FXR1: variants seen among roughly 807,000 people sequenced by gnomAD.
FXR1 encodes RNA-binding protein FXR1.
FXR1 carries 15 observed loss-of-function variants against 84.0 expected under a neutral mutation model. That is an observed-to-expected ratio of 0.18 (90% CI 0.12 to 0.27). The LOEUF (loss-of-function observed/expected upper bound fraction) is 0.27, where lower values mean the gene tolerates loss of function less well. Among genes scored for constraint, FXR1 ranks in the 10% least tolerant of loss-of-function variants. FXR1 has a pLI of 1.00. For missense variants in FXR1, 480 were observed against 774.4 expected (o/e 0.62, Z 4.51); for synonymous variants, 245 against 250.7 (o/e 0.98, Z 0.21).
intron 11 of FXR1, among the ~76,000 whole-genome samples, chr3:180,962,555 T>A (rs1712252781): frequency 6.6e-6 from 1 of 152,206 alleles, no homozygotes; most frequent in Non-Finnish European, 1.5e-5. Context: ...GAGGGCAAAA[T>A]CTGGTAATAT....
chr3:180,980,839 T>C lies in FXR1; in HGVS notation c.*4547T>C, dbSNP rs1384134509. ...GCAGTCCAAAAACTAAAACCAGAGCTTAGGTCATTCAAGTTAACTGGTACT... is the reference window on the plus strand; with the variant it reads ...GCAGTCCAAAAACTAAAACCAGAGCCTAGGTCATTCAAGTTAACTGGTACT... On this transcript the variant is annotated 3_prime_UTR_variant, in exon 17 of 17. Coordinates refer to ENST00000357559, the MANE Select transcript of FXR1 (RefSeq NM_005087.4). 6.6e-6 allele frequency: 1 copy of C among 152,022 alleles called. No individual in the cohort carries two copies. The highest frequency in any genetic ancestry group is 2.4e-5 in the African/African-American group (1 of 41,420). 9.4% of individuals were successfully genotyped at this position (152,022 alleles called of 1,614,324 possible).
In FXR1 at chr3:180,982,453, T is replaced by A. The variant is rs900177130; in HGVS notation, c.*6161T>A. On this transcript the variant is annotated 3_prime_UTR_variant, in exon 17 of 17. Transcript: ENST00000357559. ...TAAGCCTGGAGAAAATAAAACTGAT[T>A]ACTATGCAAGAAAAAAATGTGCTCT... 6.6e-6 allele frequency: 1 copy of A among 152,112 alleles called. No individual in the cohort carries two copies. The highest frequency in any genetic ancestry group is 1.5e-5 in the Non-Finnish European group (1 of 67,992). The allele number at this position is 152,112 out of a possible 1,614,324, so 9.4% of individuals were successfully genotyped here.
chr3:180,975,330 A>G lies in FXR1; in HGVS notation c.1621A>G (p.Ile541Val). The G allele has an allele frequency of 2.0e-6, 3 of 1,487,498 alleles. No individual in the cohort carries two copies. Among genetic ancestry groups the G allele is most frequent in the South Asian group, 2.5e-5 (2 of 80,976 alleles). 92.1% of individuals were successfully genotyped at this position (1,487,498 alleles called of 1,614,324 possible). ...TTTAACAGTCACAGTTGCAGATTAT[A>G]TTTCTAGAGCTGAGTCTCAGAGCAG... is the stretch of plus-strand genomic sequence containing the variant. ...ENGLVTVADY[I>V]SRAESQSRQR... The change falls in exon 16 of 17, where the codon ATT becomes GTT. Residue 541 changes from isoleucine to valine, a missense_variant. Ile to Val is a conservative substitution (Grantham distance 29). Transcript: ENST00000357559.
At chr3:180,933,988 C>A (rs1720241862) in intron 2 of FXR1, among the ~76,000 whole-genome samples, 1 of 152,038 alleles carries the variant, frequency 6.6e-6, no homozygotes, top group African/African-American at 2.4e-5. Context: ...TGGGGGGGCG[C>A]CTGTAATTCC....
At chr3:180,968,421 G>A in intron 14 of FXR1, 167 bp downstream of exon 14, 1 of 582,598 alleles carries the variant, frequency 1.7e-6, no homozygotes, top group Non-Finnish European at 3.1e-6. Context: ...CCCTCGTAGA[G>A]TGTTTCTCAG....
chr3:180,941,898 C>G (rs910897212), intron 3 of FXR1, among the ~76,000 whole-genome samples: 5 of 152,050 alleles, frequency 3.3e-5, no homozygotes, highest in African/African-American at 1.2e-4. Context: ...TACAAAATGG[C>G]AGATACATAA....
At chr3:180,934,732 G>T (rs1158082748) in intron 2 of FXR1, among the ~76,000 whole-genome samples, 3 of 152,160 alleles carry the variant, frequency 2.0e-5, no homozygotes, top group Admixed American at 1.3e-4. Flanking sequence ...GATAGGTCAT[G>T]TAGTTGTGAA....
chr3:180,969,802 A>G (rs957472584), intron 14 of FXR1, among the ~76,000 whole-genome samples: 15 of 152,082 alleles, frequency 9.9e-5, no homozygotes, highest in African/African-American at 3.6e-4. Context: ...GTTTCTTTTC[A>G]TTTTTGTTTT....
chr3:180,919,180 C>G (rs1560157147), intron 1 of FXR1, among the ~76,000 whole-genome samples: 1 of 151,760 alleles, frequency 6.6e-6, no homozygotes, highest in African/African-American at 2.4e-5. Context: ...CTGAAATGTA[C>G]TAGTCTGAAT....
intron 15 of FXR1, among the ~76,000 whole-genome samples, chr3:180,973,429 G>T (rs948910002): frequency 1.3e-5 from 2 of 152,212 alleles, no homozygotes; most frequent in African/African-American, 4.8e-5. Flanking sequence ...TAATTTAGCA[G>T]CAGGCTTTCC....
intron 9 of FXR1, among the ~76,000 whole-genome samples, chr3:180,954,708 T>C (rs942649235): frequency 1.3e-5 from 2 of 152,100 alleles, no homozygotes; most frequent in East Asian, 3.9e-4. Context: ...TATCTCTCAT[T>C]ATTTTTTTTT....
chr3:180,933,211 A>C, intron 1 of FXR1, 123 bp from the exon 2 acceptor site: 1 of 628,322 alleles, frequency 1.6e-6, no homozygotes. Context: ...TCAAACTCAC[A>C]TCTGCCTAAT....
intron 15 of FXR1, among the ~76,000 whole-genome samples, chr3:180,972,107 A>G (rs1283985679): frequency 6.6e-6 from 1 of 152,262 alleles, no homozygotes; most frequent in Admixed American, 6.5e-5. Context: ...GTCAAAAAAT[A>G]GAAAGTGTCC....
Position 180,951,450 on chromosome 3 carries a change from A to G in FXR1, c.783A>G (p.Thr261=). ...TAIELDEDTG[T]FRIYGESADA... ...TTGAGCTAGATGAAGATACTGGAAC[A>G]TTCAGAATCTACGGAGAGGTAAGTT... Residue 261 remains threonine, a synonymous_variant, in exon 8 of 17, where the codon ACA becomes ACG. Transcript: ENST00000357559. 3 of 1,612,186 alleles carry G rather than the reference A, an allele frequency of 1.9e-6. No individual in the cohort carries two copies. Among genetic ancestry groups the G allele is most frequent in the East Asian group, 2.2e-5 (1 of 44,850 alleles).
At chr3:180,975,161 G>A (rs1714072338) in intron 15 of FXR1, 152 bp from the exon 16 acceptor site, 1 of 405,656 alleles carries the variant, frequency 2.5e-6, no homozygotes, top group South Asian at 8.2e-5. Flanking sequence ...GATTTTTAAA[G>A]CTTTGTTTTT....
chr3:180,921,632 A>C (rs1718603868), intron 1 of FXR1, among the ~76,000 whole-genome samples: 1 of 152,034 alleles, frequency 6.6e-6, no homozygotes, highest in South Asian at 2.1e-4. Flanking sequence ...AGCATCTTAT[A>C]AGTTTATATC....
intron 4 of FXR1, 124 bp downstream of exon 4, chr3:180,948,060 C>T (rs1721876729): frequency 1.6e-6 from 1 of 641,406 alleles, no homozygotes; most frequent in African/African-American, 1.8e-5. Flanking sequence ...AATAGTTGAT[C>T]AGACATTTCC....
At position 180,977,599 on chromosome 3, in the gene FXR1, A is replaced by G. The variant is rs1413198657; in HGVS notation, c.*1307A>G. The stretch of plus-strand genomic sequence containing the variant: ...GCTTAATTTTTATGAAGATAAAGAC[A>G]TGAAGTTTAACAATGGACAACAGTT... On this transcript the variant is annotated 3_prime_UTR_variant, in exon 17 of 17. Transcript: ENST00000357559. 2.0e-5 allele frequency: 3 copies of G among 152,160 alleles called. No individual in the cohort carries two copies. Among genetic ancestry groups the G allele is most frequent in the Admixed American group, 6.5e-5 (1 of 15,270 alleles). The allele number at this position is 152,160 out of a possible 1,614,324, so 9.4% of individuals were successfully genotyped here.
intron 1 of FXR1, among the ~76,000 whole-genome samples, chr3:180,921,168 G>A (rs1718541568): frequency 6.6e-6 from 1 of 151,982 alleles, no homozygotes; most frequent in East Asian, 1.9e-4. Flanking sequence ...GCAGGAGTTC[G>A]AGACCAGCCC....
Sources: gnomAD v4.1 joint callset for allele counts (sites outside exome capture counted in the v4.1 genomes callset) on GRCh38, gnomAD v4.1.1 for gene constraint, MANE v1.5 for transcripts, NCBI Gene and HGNC (gene_info 2026-07-23, HGNC 2026-07-21) for gene names.